The following MAST4 variants were observed in gnomAD, a reference collection of about 807,000 sequenced individuals.
MAST4 encodes the protein microtubule-associated serine/threonine-protein kinase 4.
MAST4 carries 89 observed loss-of-function variants against 162.7 expected under a neutral mutation model. The ratio of observed to expected loss-of-function variants is 0.55; its 90% CI spans 0.46 to 0.65. The LOEUF (loss-of-function observed/expected upper bound fraction) is 0.65, where lower values mean the gene tolerates loss of function less well. Among genes scored for constraint, MAST4 ranks in the 30% least tolerant of loss-of-function variants. The pLI, the probability that MAST4 is intolerant of heterozygous loss-of-function variation, is 0.00. For missense variants in MAST4, 3,153 were observed against 3,374.0 expected (o/e 0.93, Z 1.62); for synonymous variants, 1,479 against 1,361.1 (o/e 1.09, Z -1.91).
Position 67,134,628 on chromosome 5 carries a change from G to A in MAST4, c.2332G>A (p.Val778Ile), listed in dbSNP as rs1038144084. 4 of 1,613,724 alleles carry A rather than the reference G, an allele frequency of 2.5e-6. No homozygotes were observed. Among genetic ancestry groups the A allele is most frequent in the South Asian group, 1.1e-5 (1 of 91,058 alleles). The change falls in exon 18 of 29, where the codon GTT (valine) becomes ATT (isoleucine). Residue 778 changes from valine (V) to isoleucine (I), a missense_variant. Val to Ile is a conservative substitution (Grantham distance 29, BLOSUM62 3). This residue lies in a region of MAST4 where 131 missense variants were observed against 253.8 expected (regional missense o/e 0.52). Coordinates refer to ENST00000403625, the MANE Select transcript of MAST4 (RefSeq NM_001164664.2). ...AMGIILYEFL[V>I]GCVPFFGDTP... ...GGGGATTATCCTCTATGAATTTCTG[G>A]TTGGATGCGTGCCATTCTTTGGGGA...
chr5:66,883,300 G>T (rs1761812396), intron 3 of MAST4, among the ~76,000 whole-genome samples: 1 of 152,054 alleles, frequency 6.6e-6, no homozygotes, highest in Non-Finnish European at 1.5e-5. Context: ...TACGTCCTAT[G>T]TGGAAGTCTC....
intron 2 of MAST4, among the ~76,000 whole-genome samples, chr5:66,764,969 A>G (rs562704792): frequency 1.2e-4 from 18 of 152,302 alleles, no homozygotes; most frequent in African/African-American, 4.1e-4. Context: ...CAAGTATCCT[A>G]TACAGGTGTA....
chr5:66,936,812 A>G (rs1391177337), intron 4 of MAST4, among the ~76,000 whole-genome samples: 3 of 152,228 alleles, frequency 2.0e-5, no homozygotes, highest in Non-Finnish European at 4.4e-5. Context: ...GGGTATGTTA[A>G]ATAACAATAC....
intron 5 of MAST4, among the ~76,000 whole-genome samples, chr5:67,073,789 A>C (rs1322393849): frequency 6.6e-6 from 1 of 152,238 alleles, no homozygotes; most frequent in Non-Finnish European, 1.5e-5. Context: ...AAAAATACTT[A>C]AGGTGAGCTT....
intron 1 of MAST4, among the ~76,000 whole-genome samples, chr5:66,709,901 A>AT (rs1215078523): frequency 6.6e-6 from 1 of 152,192 alleles, no homozygotes; most frequent in Admixed American, 6.5e-5. Flanking sequence ...ATTTGGTGCC[A>AT]TACAGGCAAG....
chr5:67,141,020 T>A (rs1770333471), intron 19 of MAST4, among the ~76,000 whole-genome samples: 1 of 152,234 alleles, frequency 6.6e-6, no homozygotes, highest in South Asian at 2.1e-4. Context: ...GCTGACACTA[T>A]GTCTTGTGCT....
chr5:66,908,747 A>T (rs1053543955), intron 4 of MAST4, among the ~76,000 whole-genome samples: 3 of 152,180 alleles, frequency 2.0e-5, no homozygotes, highest in Non-Finnish European at 4.4e-5. Context: ...CCACCTTCTC[A>T]CATCTGTTAA....
At chr5:66,883,738 A>G (rs928704154) in intron 3 of MAST4, among the ~76,000 whole-genome samples, 1 of 152,020 alleles carries the variant, frequency 6.6e-6, no homozygotes, top group African/African-American at 2.4e-5. Flanking sequence ...TTATAAACAC[A>G]TGGACATGGT....
At chr5:66,860,770 CAAAAAAAA>C (rs34973337) in intron 3 of MAST4, among the ~76,000 whole-genome samples, 1 of 129,174 alleles carries the variant, frequency 7.7e-6, no homozygotes, top group Non-Finnish European at 1.6e-5. Flanking sequence ...AAAACAAAAC[CAAAAAAAA>C]AAAAAAAACA....
intron 1 of MAST4, among the ~76,000 whole-genome samples, chr5:66,704,434 C>CA (rs1366319047): frequency 6.6e-6 from 1 of 151,814 alleles, no homozygotes; most frequent in East Asian, 1.9e-4. Flanking sequence ...GCTGCTGTTC[C>CA]ATCCTTCATC....
chr5:67,129,593 G>C (rs1055989095), intron 14 of MAST4, among the ~76,000 whole-genome samples: 11 of 151,866 alleles, frequency 7.2e-5, no homozygotes, highest in South Asian at 2.1e-4. Flanking sequence ...GCATGGTGGC[G>C]TGCACCTGTA....
intron 3 of MAST4, among the ~76,000 whole-genome samples, chr5:66,878,727 C>G (rs754650690): frequency 8.5e-5 from 13 of 152,180 alleles, no homozygotes; most frequent in Admixed American, 2.0e-4. Flanking sequence ...CTCTTTTGGC[C>G]TAGATACCAC....
intron 7 of MAST4, among the ~76,000 whole-genome samples, chr5:67,095,921 T>C (rs1426548058): frequency 1.3e-5 from 2 of 152,186 alleles, no homozygotes; most frequent in African/African-American, 2.4e-5. Context: ...TGGAGGAAAC[T>C]GGAAGCTTTC....
At chr5:66,987,546 C>A (rs1645238) in intron 4 of MAST4, among the ~76,000 whole-genome samples, 2 of 152,036 alleles carry the variant, frequency 1.3e-5, no homozygotes, top group East Asian at 3.9e-4. Context: ...AATTTCAATA[C>A]TCCTAAAGAA....
In MAST4 at chr5:67,166,126, C is replaced by A. The variant is rs115056755; in HGVS notation, c.6947C>A (p.Ala2316Glu). 7.1e-5 allele frequency: 114 copies of A among 1,602,194 alleles called. 2 individuals are homozygous for A. Among genetic ancestry groups the A allele is most frequent in the Admixed American group, 1.4e-4 (8 of 58,076 alleles). Residue 2316 changes from alanine to glutamate, a missense_variant, in exon 29 of 29, where the codon GCG becomes GAG. By Grantham distance (107) the Ala-to-Glu change is moderately radical. Around this residue, in one of 7 missense-constraint regions of MAST4, gnomAD observed 1,644 missense variants for 1,495.0 expected, o/e 1.10. Transcript: ENST00000403625. ...GGACACCCAGGGCCTAGTGAGCCAG[C>A]GGACCAGAAACTGTCCGCTGTTGGT... Reference protein sequence around the residue: ...RPGHPGPSEPADQKLSAVGEK... With the variant: ...RPGHPGPSEPEDQKLSAVGEK...
intron 4 of MAST4, among the ~76,000 whole-genome samples, chr5:66,935,466 C>T (rs935130922): frequency 4.6e-5 from 7 of 152,024 alleles, no homozygotes; most frequent in Non-Finnish European, 8.8e-5. Flanking sequence ...ACCTGGTTAT[C>T]CCTCCTTTAA....
intron 5 of MAST4, among the ~76,000 whole-genome samples, chr5:67,059,927 C>T (rs554507304): frequency 6.6e-6 from 1 of 152,178 alleles, no homozygotes; most frequent in African/African-American, 2.4e-5. Context: ...AACAAAACAT[C>T]CCGAATCCCA....
At chr5:67,074,400 A>G (rs887579775) in intron 5 of MAST4, among the ~76,000 whole-genome samples, 1 of 152,212 alleles carries the variant, frequency 6.6e-6, no homozygotes, top group African/African-American at 2.4e-5. Flanking sequence ...CAAGAGCCCT[A>G]AAAATAGTTC....
chr5:66,935,464 A>G (rs1742633673), intron 4 of MAST4, among the ~76,000 whole-genome samples: 1 of 152,072 alleles, frequency 6.6e-6, no homozygotes, highest in East Asian at 1.9e-4. Flanking sequence ...CAACCTGGTT[A>G]TCCCTCCTTT....
Sources: allele counts gnomAD v4.1 joint callset (sites outside exome capture counted in the v4.1 genomes callset), GRCh38; gene constraint gnomAD v4.1.1; regional missense constraint gnomAD v4.1.1; transcripts MANE v1.5; gene names NCBI Gene and HGNC (gene_info 2026-07-23, HGNC 2026-07-21).